LRRC7: variants seen among roughly 807,000 people sequenced by gnomAD.
LRRC7 encodes the protein leucine rich repeat containing 7.
LRRC7 carries 23 observed loss-of-function variants against 175.7 expected under a neutral mutation model. That is an observed-to-expected ratio of 0.13 (90% confidence interval 0.09 to 0.19). LRRC7 has a LOEUF of 0.19. LRRC7 is among the 10% of genes least tolerant of loss of function. The pLI is 1.00. For missense variants in LRRC7, 1,354 were observed against 1,904.7 expected (o/e 0.71, Z 5.38); for synonymous variants, 685 against 680.9 (o/e 1.01, Z -0.09).
intron 7 of LRRC7, chr1:69,874,913 T>C (rs1685908170): frequency 6.6e-6 from 1 of 152,078 alleles, no homozygotes; most frequent in Admixed American, 6.6e-5. Context: ...TCTATGCTAA[T>C]TGACTTCTGT....
chr1:69,919,847 G>A, intron 7 of LRRC7: 2 of 694,936 alleles, frequency 2.9e-6, no homozygotes, highest in Non-Finnish European at 5.0e-6. Context: ...GTGAGGATTG[G>A]GGGCCCAGGC....
At chr1:69,601,428 C>T (rs1455224646) in intron 1 of LRRC7, among the ~76,000 whole-genome samples, 1 of 152,114 alleles carries the variant, frequency 6.6e-6, no homozygotes, top group African/African-American at 2.4e-5. Context: ...TTTCCAACAT[C>T]TACCATCCAT....
chr1:69,710,291 A>AT (rs766015357), intron 2 of LRRC7, among the ~76,000 whole-genome samples: 1 of 150,980 alleles, frequency 6.6e-6, no homozygotes, highest in Non-Finnish European at 1.5e-5. Flanking sequence ...AAAAAAAAAA[A>AT]AAAAAAAGAA....
At chr1:69,652,715 TAACC>T (rs1656038078) in intron 1 of LRRC7, among the ~76,000 whole-genome samples, 1 of 151,876 alleles carries the variant, frequency 6.6e-6, no homozygotes, top group Non-Finnish European at 1.5e-5. Flanking sequence ...AAAATAATAA[TAACC>T]AAAATAGAGG....
intron 7 of LRRC7, among the ~76,000 whole-genome samples, chr1:69,845,468 G>A (rs1267253482): frequency 6.6e-6 from 1 of 151,546 alleles, no homozygotes; most frequent in African/African-American, 2.4e-5. Context: ...TTTTTAATAA[G>A]ATTACTCCAT....
intron 7 of LRRC7, among the ~76,000 whole-genome samples, chr1:69,891,692 A>G (rs986882360): frequency 3.9e-4 from 60 of 152,192 alleles, no homozygotes; most frequent in African/African-American, 1.4e-3. Flanking sequence ...AGATCATGAC[A>G]CTGAACTCCA....
chr1:69,953,763 G>A (rs944809599), intron 8 of LRRC7, among the ~76,000 whole-genome samples: 2 of 152,042 alleles, frequency 1.3e-5, no homozygotes, highest in Non-Finnish European at 2.9e-5. Context: ...TGTCCACACA[G>A]TGTATGTTAA....
chr1:69,721,574 TATATA>T (rs1371336179), intron 2 of LRRC7, among the ~76,000 whole-genome samples: 5 of 151,936 alleles, frequency 3.3e-5, no homozygotes, highest in Non-Finnish European at 7.4e-5. Flanking sequence ...AATATGCCAT[TATATA>T]ATATATCACA....
At chr1:69,701,070 A>G (rs1663285373) in intron 2 of LRRC7, among the ~76,000 whole-genome samples, 1 of 152,228 alleles carries the variant, frequency 6.6e-6, no homozygotes, top group Non-Finnish European at 1.5e-5. Flanking sequence ...CATTAGGTTC[A>G]AGATATTTTT....
At chr1:69,894,049 G>A (rs1034759216) in intron 7 of LRRC7, among the ~76,000 whole-genome samples, 3 of 152,152 alleles carry the variant, frequency 2.0e-5, no homozygotes. Flanking sequence ...ATAACGGTTA[G>A]ATCAACAAAG....
chr1:69,981,650 C>T (rs1653443552), intron 9 of LRRC7, among the ~76,000 whole-genome samples: 1 of 152,148 alleles, frequency 6.6e-6, no homozygotes, highest in South Asian at 2.1e-4. Flanking sequence ...GATTTCACTA[C>T]TCATAGAAGA....
intron 7 of LRRC7, among the ~76,000 whole-genome samples, chr1:69,857,912 G>A (rs1404750921): frequency 6.6e-6 from 1 of 152,070 alleles, no homozygotes; most frequent in Non-Finnish European, 1.5e-5. Context: ...CCAAAACAGA[G>A]ATATAGATCA....
At chr1:69,719,011 T>C (rs947389858) in intron 2 of LRRC7, among the ~76,000 whole-genome samples, 3 of 151,856 alleles carry the variant, frequency 2.0e-5, no homozygotes, top group African/African-American at 7.2e-5. Flanking sequence ...TTCAGACTTA[T>C]CTATGGGTAG....
intron 10 of LRRC7, among the ~76,000 whole-genome samples, chr1:69,988,716 C>T (rs1654162711): frequency 6.6e-6 from 1 of 152,128 alleles, no homozygotes; most frequent in Admixed American, 6.6e-5. Flanking sequence ...CTGCGGAAAA[C>T]TATGGCAAGT....
At chr1:69,685,298 A>C (rs1342946011) in intron 2 of LRRC7, among the ~76,000 whole-genome samples, 1 of 152,194 alleles carries the variant, frequency 6.6e-6, no homozygotes, top group Non-Finnish European at 1.5e-5. Context: ...CTCCTAACAT[A>C]ATAATCAAAA....
At chr1:69,845,030 A>T (rs7556021) in intron 7 of LRRC7, among the ~76,000 whole-genome samples, 2,417 of 152,180 alleles carry the variant, frequency 0.016, 65 homozygotes, top group Admixed American at 0.074. Flanking sequence ...TGGGAGAATC[A>T]CTTGAGCCCA....
In LRRC7 at chr1:70,028,241, A is replaced by G. The variant is rs1658333016; in HGVS notation, c.1865A>G (p.Gln622Arg). Reference sequence around the variant, plus strand: ...TTAAAGAATATGGTAAAATCTGTTCAAAATTTGGTGGGTAAGCCAAGCCAT... The same window carrying G: ...TTAAAGAATATGGTAAAATCTGTTCGAAATTTGGTGGGTAAGCCAAGCCAT... Reference protein sequence around the residue: ...EDLKNMVKSVQNLVGKPSHGV... With the variant: ...EDLKNMVKSVRNLVGKPSHGV... The change falls in exon 18 of 27, where the codon CAA becomes CGA. Residue 622 changes from glutamine to arginine, a missense_variant. This residue lies in a region of LRRC7 where 1,032 missense variants were observed against 1,227.2 expected (regional missense o/e 0.84). Transcript: ENST00000651989. The G allele has an allele frequency of 6.2e-7, 1 of 1,613,836 alleles. No individual in the cohort carries two copies. The highest frequency in any genetic ancestry group is 8.5e-7 in the Non-Finnish European group (1 of 1,179,786).
chr1:69,580,852 C>T (rs1310043830), intron 1 of LRRC7, among the ~76,000 whole-genome samples: 1 of 152,038 alleles, frequency 6.6e-6, no homozygotes, highest in African/African-American at 2.4e-5. Flanking sequence ...AGAAAAAGAC[C>T]AAGGTACTTA....
chr1:69,849,598 C>G (rs6695135), intron 7 of LRRC7, among the ~76,000 whole-genome samples: 86,591 of 151,654 alleles, frequency 0.57, 24,827 homozygotes, highest in East Asian at 0.7. Context: ...ATAAAAGGAA[C>G]ATCTAATACC....
Sources: allele counts gnomAD v4.1 joint callset (sites outside exome capture counted in the v4.1 genomes callset), GRCh38; gene constraint gnomAD v4.1.1; regional missense constraint gnomAD v4.1.1; transcripts MANE v1.5; gene names NCBI Gene and HGNC (gene_info 2026-07-23, HGNC 2026-07-21).